Variants in TEAD3 observed in about 807,000 individuals in gnomAD.
The protein encoded by TEAD3 is TEA domain transcription factor 3, also known as transcriptional enhancer factor TEF-5.
Under a neutral mutation model 55.6 loss-of-function variants are expected in TEAD3, and 15 were observed. That is an observed-to-expected ratio of 0.27 (90% CI 0.18 to 0.42). The LOEUF (loss-of-function observed/expected upper bound fraction) is 0.42, where lower values mean the gene tolerates loss of function less well. Ranked by LOEUF, TEAD3 falls within the 10% of genes least tolerant of loss-of-function variation. The pLI is 1.00. For missense variants in TEAD3, 407 were observed against 576.8 expected (o/e 0.71, Z 3.01); for synonymous variants, 210 against 232.2 (o/e 0.90, Z 0.87).
chr6:35,478,212 G>A lies in TEAD3; in HGVS notation c.530+63C>T. On this transcript the variant is annotated intron_variant, in intron 7 of 12. Transcript: ENST00000639578. ...TCAGCTGTTGCTGGAGCCCAAATGG[G>A]AGGGAAGCCCTGTGCGGCTGCCAGG... 2.5e-6 allele frequency: 4 copies of A among 1,599,382 alleles called. No homozygotes were observed. The South Asian group carries it at 4.4e-5, about 18-fold the overall frequency.
chr6:35,484,738 T>C lies in TEAD3; in HGVS notation c.203-114A>G. On this transcript the variant is annotated intron_variant, in intron 2 of 12. Transcript: ENST00000639578. This position sits in a 1 kb window ranked among gnomAD's most constrained non-coding sequence, Gnocchi z 5.8. ...GACCCTCCCCAAAACACTGCTCTTC[T>C]GTTCCTCACTCTCTTCACCCCAAGC... 1 of 896,340 alleles carries C rather than the reference T, an allele frequency of 1.1e-6. No individual in the cohort carries two copies. The highest frequency in any genetic ancestry group is 2.6e-5 in the East Asian group (1 of 37,806). The allele number at this position is 896,340 out of a possible 1,614,324, so 55.5% of individuals were successfully genotyped here.
In TEAD3 at chr6:35,490,620, C is replaced by A. The variant is rs554999853; in HGVS notation, c.-49-3909G>T. On this transcript the variant is annotated intron_variant, in intron 1 of 12. Transcript: ENST00000639578. ...TGGGCAGTCGTGGGCAGGCAGCTGC[C>A]CCCGTCTGGGGGCTGGACCGGGGTC... Among the ~76,000 whole-genome samples, 20 of 152,312 alleles carry A rather than the reference C, an allele frequency of 1.3e-4. No homozygotes were observed. The East Asian group carries it at 3.7e-3, about 28-fold the overall frequency.
Position 35,480,281 on chromosome 6 carries a change from G to A in TEAD3, c.268-159C>T, listed in dbSNP as rs757220584. On this transcript the variant is annotated intron_variant, in intron 3 of 12. Coordinates refer to ENST00000639578, the Ensembl canonical transcript of TEAD3. ...CGCCGTGGGTGAGGGGCCCAGGAGGGCTGAAGGCCCCCGCCAGGCACCCAA... is the reference window on the plus strand; with the variant it reads ...CGCCGTGGGTGAGGGGCCCAGGAGGACTGAAGGCCCCCGCCAGGCACCCAA... 178 of 1,610,556 alleles carry A rather than the reference G, an allele frequency of 1.1e-4. 2 individuals carry two copies. The East Asian group carries it at 3.9e-3, about 35-fold the overall frequency.
intron 1 of TEAD3, among the ~76,000 whole-genome samples, chr6:35,487,538 C>T (rs368190476): frequency 2.0e-4 from 24 of 122,008 alleles, no homozygotes; most frequent in African/African-American, 6.4e-4. Context: ...GGCAATAGAG[C>T]GAGACTCCTC....
chr6:35,475,543 A>G lies in TEAD3; in HGVS notation c.1041+23T>C. 6.2e-7 allele frequency: 1 copy of G among 1,603,972 alleles called. No individual in the cohort carries two copies. The highest frequency in any genetic ancestry group is 8.5e-7 in the Non-Finnish European group (1 of 1,173,166). Reference sequence around the variant, plus strand: ...GGCCTGCCTGCTCCCAGCCCCACCAAGCCACCCAGAGCCCCCACTCACCTC... The same window carrying G: ...GGCCTGCCTGCTCCCAGCCCCACCAGGCCACCCAGAGCCCCCACTCACCTC... On this transcript the variant is annotated intron_variant, in intron 11 of 12. Transcript: ENST00000639578. The surrounding 1 kb of genome is among the most constrained non-coding windows in gnomAD (Gnocchi z 5.4).
Position 35,475,032 on chromosome 6 carries a change from G to A in TEAD3, c.*12C>T, listed in dbSNP as rs368093693. On this transcript the variant is annotated 3_prime_UTR_variant, in exon 13 of 13. Coordinates refer to ENST00000639578, the Ensembl canonical transcript of TEAD3. This position sits in a 1 kb window ranked among gnomAD's most constrained non-coding sequence, Gnocchi z 5.4. Reference sequence around the variant, plus strand: ...GCTCACCCTGCATCCTTAAGGAGGCGCAGAGGGCACCCTAGTCTTTGACGA... The same window carrying A: ...GCTCACCCTGCATCCTTAAGGAGGCACAGAGGGCACCCTAGTCTTTGACGA... The A allele has an allele frequency of 4.0e-5, 62 of 1,550,136 alleles. No homozygotes were observed. In the African/African-American group the frequency reaches 5.0e-4, roughly 13 times the overall value.
chr6:35,477,157 T>C (rs1041831138), intron 8 of TEAD3, among the ~76,000 whole-genome samples, 154 bp downstream of exon 8: 1 of 152,142 alleles, frequency 6.6e-6, no homozygotes, highest in African/African-American at 2.4e-5. Context: ...GGAAGCAACA[T>C]TGTACAAGGT....
At chr6:35,489,494 T>G (rs1768459199) in intron 1 of TEAD3, among the ~76,000 whole-genome samples, 1 of 152,146 alleles carries the variant, frequency 6.6e-6, no homozygotes, top group Admixed American at 6.5e-5. Context: ...CCCAAGCAAC[T>G]GGAGCAACTT....
At position 35,484,639 on chromosome 6, in the gene TEAD3, G is replaced by T; in HGVS notation, c.203-15C>A. 6.3e-7 allele frequency: 1 copy of T among 1,580,930 alleles called. No homozygotes were observed. The highest frequency in any genetic ancestry group is 1.2e-5 in the South Asian group (1 of 86,334). On this transcript the variant is annotated splice_polypyrimidine_tract_variant and intron_variant, in intron 2 of 12. Transcript: ENST00000639578. The surrounding 1 kb of genome is among the most constrained non-coding windows in gnomAD (Gnocchi z 5.8). Reference sequence around the variant, plus strand: ...CTCATTTCGGCCTAGATTGGGGTGAGAGAGAAAATGAGGAGTGGGCAAAGG... The same window carrying T: ...CTCATTTCGGCCTAGATTGGGGTGATAGAGAAAATGAGGAGTGGGCAAAGG...
chr6:35,484,452 A>C lies in TEAD3; in HGVS notation c.267+108T>G. 1 of 1,072,784 alleles carries C rather than the reference A, an allele frequency of 9.3e-7. No individual in the cohort carries two copies. The highest frequency in any genetic ancestry group is 1.4e-6 in the Non-Finnish European group (1 of 717,662). 66.5% of individuals were successfully genotyped at this position (1,072,784 alleles called of 1,614,324 possible). A position where few individuals can be genotyped will look rare whatever the true frequency, so the allele number is the denominator to read the frequency against. The stretch of plus-strand genomic sequence containing the variant: ...GATGAGGCAAGGAGGGTGGCAGTCC[A>C]GGTCAGGGGCAGCCTCGAGGAGGTG... On this transcript the variant is annotated intron_variant, in intron 3 of 12. Transcript: ENST00000639578. The surrounding 1 kb of genome is among the most constrained non-coding windows in gnomAD (Gnocchi z 5.8).
Position 35,486,552 on chromosome 6 carries a change from C to A in TEAD3, c.111G>T (p.Pro37=), listed in dbSNP as rs958937249. Reference sequence around the variant, plus strand: ...CCTCCTGGAAGCTCTGCTCGATGTCCGGGCTCCACACGCCCTCCGCATCGT... The same window carrying A: ...CCTCCTGGAAGCTCTGCTCGATGTCAGGGCTCCACACGCCCTCCGCATCGT... Residue 37 remains proline (P), a synonymous_variant, in exon 2 of 13, where the codon CCG becomes CCT. Coordinates refer to ENST00000639578, the Ensembl canonical transcript of TEAD3. This position sits in a 1 kb window ranked among gnomAD's most constrained non-coding sequence, Gnocchi z 7.3. 5.0e-6 allele frequency: 8 copies of A among 1,613,672 alleles called. No homozygotes were observed. Among genetic ancestry groups the A allele is most frequent in the Non-Finnish European group, 6.8e-6 (8 of 1,179,808 alleles).
At chr6:35,478,407 C>A in intron 6 of TEAD3, 27 bp downstream of exon 6, 1 of 1,613,622 alleles carries the variant, frequency 6.2e-7, no homozygotes, top group South Asian at 1.1e-5. Context: ...CACCCCCACA[C>A]CAGCCCACCT....
downstream of TEAD3, chr6:35,474,345 C>T (rs41270066): frequency 0.076 from 11,623 of 153,070 alleles, 532 homozygotes; most frequent in African/African-American, 0.14. Context: ...CACTGCAGAG[C>T]CTCTCCCCTA....
intron 1 of TEAD3, among the ~76,000 whole-genome samples, chr6:35,492,769 C>A: frequency 6.6e-6 from 1 of 152,270 alleles, no homozygotes; most frequent in East Asian, 1.9e-4. Context: ...TGTTGTCACG[C>A]TCCTGCTCCC....
In TEAD3 at chr6:35,485,029, CTG is replaced by C. The variant is rs1198372124; in HGVS notation, c.203-407_203-406del. On this transcript the variant is annotated intron_variant, in intron 2 of 12. Transcript: ENST00000639578. This position sits in a 1 kb window ranked among gnomAD's most constrained non-coding sequence, Gnocchi z 4.3. ...CCCAGCCCCCAGCAGTGCTTCCTGC[CTG>C]TGTCACCAGCTCCAGTACTCTTAGT... 1.3e-5 allele frequency among the ~76,000 whole-genome samples: 2 copies of C among 152,194 alleles called. No individual in the cohort carries two copies. Among genetic ancestry groups the C allele is most frequent in the Non-Finnish European group, 2.9e-5 (2 of 68,014 alleles).
intron 4 of TEAD3, chr6:35,479,948 C>G (rs1364123686): frequency 2.1e-6 from 2 of 944,932 alleles, no homozygotes; most frequent in Non-Finnish European, 1.5e-6. Flanking sequence ...TTCTGGACCC[C>G]CTCACAGCTT....
chr6:35,486,625 C>T lies in TEAD3; in HGVS notation c.38G>A (p.Gly13Glu), dbSNP rs1377108898. Residue 13 changes from glycine (G) to glutamate (E), a missense_variant, in exon 2 of 13, where the codon GGG becomes GAG. Coordinates refer to ENST00000639578, the Ensembl canonical transcript of TEAD3. This position sits in a 1 kb window ranked among gnomAD's most constrained non-coding sequence, Gnocchi z 7.3. ...CTCGGGCCCATCCTCCCGGGCCTCC[C>T]CGGGGCTGCTGCTGGCGTTCCAGCT... 14 of 1,613,034 alleles carry T rather than the reference C, an allele frequency of 8.7e-6. No individual in the cohort carries two copies. The East Asian group carries it at 2.9e-4, about 33-fold the overall frequency.
rs1768424237 is a variant in TEAD3 at position 35,488,043 on chromosome 6, AG to A, written c.-49-1333del. On this transcript the variant is annotated intron_variant, in intron 1 of 12. Transcript: ENST00000639578. The surrounding 1 kb of genome is among the most constrained non-coding windows in gnomAD (Gnocchi z 4.2). ...GGACAAGGAGAGTCCCTGACCCAGA[AG>A]GGCACCATTTTATCTTCCCCCAAAT... Among the ~76,000 whole-genome samples, 1 of 149,626 alleles carries A rather than the reference AG, an allele frequency of 6.7e-6. No homozygotes were observed. Among genetic ancestry groups the A allele is most frequent in the African/African-American group, 2.5e-5 (1 of 39,508 alleles).
intron 3 of TEAD3, chr6:35,480,346 C>T (rs771373594): frequency 4.3e-6 from 7 of 1,613,858 alleles, no homozygotes; most frequent in Admixed American, 1.7e-5. Flanking sequence ...CACCTTCTTC[C>T]GAGCTAGAAC....
Sources: gnomAD v4.1 joint callset for allele counts (sites outside exome capture counted in the v4.1 genomes callset) on GRCh38, gnomAD v4.1.1 for gene constraint, Gnocchi (gnomAD v3.1) non-coding constraint, MANE v1.5 for transcripts, NCBI Gene and HGNC (gene_info 2026-07-23, HGNC 2026-07-21) for gene names.